The following ZNF652 variants were observed in gnomAD, a reference collection of about 807,000 sequenced individuals.
The protein encoded by ZNF652 is zinc finger protein 652.
ZNF652 carries 16 observed loss-of-function variants against 45.2 expected under a neutral mutation model. The observed-to-expected ratio is 0.35, with a 90% CI of 0.24 to 0.54. The LOEUF (loss-of-function observed/expected upper bound fraction) is 0.54, where lower values mean the gene tolerates loss of function less well. Ranked by LOEUF, ZNF652 falls within the 20% of genes least tolerant of loss-of-function variation. ZNF652 has a pLI of 0.91. For synonymous variants in ZNF652, 250 were observed against 260.6 expected (o/e 0.96, Z 0.39); for missense variants, 614 against 765.6 (o/e 0.80, Z 2.34).
intron 3 of ZNF652, 60 bp downstream of exon 3, chr17:49,312,638 T>TA (rs1480803424): frequency 1.9e-6 from 3 of 1,569,482 alleles, no homozygotes; most frequent in Non-Finnish European, 2.6e-6. Context: ...ATCCAGGGCA[T>TA]AAAGCACACA....
intron 1 of ZNF652, among the ~76,000 whole-genome samples, chr17:49,341,663 A>C (rs1467426205): frequency 2.0e-5 from 3 of 152,042 alleles, no homozygotes; most frequent in Non-Finnish European, 4.4e-5. Flanking sequence ...CTGTCTCAAA[A>C]AGAAAAAAAG....
At chr17:49,307,188 A>G (rs2069641149) in intron 5 of ZNF652, among the ~76,000 whole-genome samples, 1 of 151,218 alleles carries the variant, frequency 6.6e-6, no homozygotes, top group Admixed American at 6.6e-5. Context: ...TAATCCCAGC[A>G]GTTTGGGAGG....
At chr17:49,311,873 A>G in intron 4 of ZNF652, 54 bp downstream of exon 4, 2 of 1,450,170 alleles carry the variant, frequency 1.4e-6, no homozygotes, top group South Asian at 1.2e-5. Context: ...CTGGTCCGCC[A>G]TCTATGCAAA....
chr17:49,357,085 T>C (rs1366360527), intron 1 of ZNF652, among the ~76,000 whole-genome samples: 2 of 150,318 alleles, frequency 1.3e-5, no homozygotes, highest in Non-Finnish European at 2.9e-5. Flanking sequence ...GATCACAAGA[T>C]CAGGAGTTCA....
rs1342963892 is a variant in ZNF652 at position 49,362,059 on chromosome 17, C to G, written c.-409G>C. The G allele has an allele frequency of 2.7e-5, 4 of 149,694 alleles. No homozygotes were observed. Among genetic ancestry groups the G allele is most frequent in the Non-Finnish European group, 4.5e-5 (3 of 67,006 alleles). The allele number at this position is 149,694 out of a possible 1,614,324, so 9.3% of individuals were successfully genotyped here. On this transcript the variant is annotated 5_prime_UTR_variant, in exon 1 of 6. Coordinates refer to ENST00000430262, the MANE Select transcript of ZNF652 (RefSeq NM_001145365.3). ...CCAACGTCTGTCCTCAGGGCCGCTC[C>G]TCAGACCCGGCCTCGGCCGCTGCCG...
rs913426704 is a variant in ZNF652 at position 49,297,912 on chromosome 17, A to G, written c.*501T>C. ...AAGAAGAAAATTTCTGTCTTTCTCTATAATGCTTGATATACTGTGAAACAT... is the reference window on the plus strand; with the variant it reads ...AAGAAGAAAATTTCTGTCTTTCTCTGTAATGCTTGATATACTGTGAAACAT... On this transcript the variant is annotated 3_prime_UTR_variant, in exon 6 of 6. Transcript: ENST00000430262. 3 of 155,958 alleles carry G rather than the reference A, an allele frequency of 1.9e-5. No homozygotes were observed. Among genetic ancestry groups the G allele is most frequent in the African/African-American group, 7.2e-5 (3 of 41,470 alleles). 9.7% of individuals were successfully genotyped at this position (155,958 alleles called of 1,614,324 possible). A position where few individuals can be genotyped will look rare whatever the true frequency, so the allele number is the denominator to read the frequency against.
At chr17:49,356,993 G>GT (rs200120399) in intron 1 of ZNF652, among the ~76,000 whole-genome samples, 6 of 140,856 alleles carry the variant, frequency 4.3e-5, no homozygotes, top group African/African-American at 1.1e-4. Flanking sequence ...CTTGAACTAT[G>GT]TTTTAAAAAA....
chr17:49,332,308 T>A lies in ZNF652; in HGVS notation c.-258-14325A>T, dbSNP rs2070033616. On this transcript the variant is annotated intron_variant, in intron 1 of 5. Coordinates refer to ENST00000430262, the MANE Select transcript of ZNF652 (RefSeq NM_001145365.3). Reference sequence around the variant, plus strand: ...TGAAAACATCTTAACTGAACTAGTCTTAAACCAAGAGGTATGAATAAATAG... The same window carrying A: ...TGAAAACATCTTAACTGAACTAGTCATAAACCAAGAGGTATGAATAAATAG... Among the ~76,000 whole-genome samples the A allele has an allele frequency of 2.0e-5, 3 of 152,176 alleles. 1 individual carries two copies. The South Asian group carries it at 6.2e-4, about 31-fold the overall frequency.
At chr17:49,312,290 C>T (rs1408164376) in intron 3 of ZNF652, among the ~76,000 whole-genome samples, 3 of 151,710 alleles carry the variant, frequency 2.0e-5, no homozygotes, top group Non-Finnish European at 1.5e-5. Flanking sequence ...CTCAGCCTCC[C>T]GAGTAGTTGG....
intron 5 of ZNF652, 102 bp downstream of exon 5, chr17:49,311,210 G>T: frequency 3.9e-6 from 5 of 1,270,300 alleles, no homozygotes; most frequent in Admixed American, 2.3e-5. Context: ...TTTTTGCTTT[G>T]AATGCAAATT....
intron 1 of ZNF652, among the ~76,000 whole-genome samples, chr17:49,324,375 A>C (rs2069932886): frequency 6.6e-6 from 1 of 151,912 alleles, no homozygotes; most frequent in Admixed American, 6.6e-5. Flanking sequence ...CTCAGCAATA[A>C]GGCTGTTTCG....
chr17:49,308,584 C>T (rs979851386), intron 5 of ZNF652, among the ~76,000 whole-genome samples: 3 of 152,028 alleles, frequency 2.0e-5, no homozygotes, highest in Non-Finnish European at 4.4e-5. Context: ...GGTGGATCAC[C>T]TGAGGTCAGG....
At chr17:49,357,209 G>A (rs1397965335) in intron 1 of ZNF652, among the ~76,000 whole-genome samples, 1 of 151,758 alleles carries the variant, frequency 6.6e-6, no homozygotes, top group Non-Finnish European at 1.5e-5. Flanking sequence ...TGAGGCAGGA[G>A]AATTGCTTGA....
At chr17:49,326,588 T>C (rs1225167998) in intron 1 of ZNF652, among the ~76,000 whole-genome samples, 2 of 152,096 alleles carry the variant, frequency 1.3e-5, no homozygotes, top group African/African-American at 4.8e-5. Context: ...AAAACCGACA[T>C]GTGAACTACT....
chr17:49,302,489 C>A (rs1022523632), intron 5 of ZNF652, among the ~76,000 whole-genome samples: 3 of 151,406 alleles, frequency 2.0e-5, no homozygotes, highest in Non-Finnish European at 4.4e-5. Flanking sequence ...AGGGTTTCAC[C>A]ATGTTAGCCA....
intron 4 of ZNF652, 100 bp downstream of exon 4, chr17:49,311,827 G>T: frequency 1.0e-6 from 1 of 983,774 alleles, no homozygotes; most frequent in Non-Finnish European, 1.5e-6. Context: ...GTGGAAGGCA[G>T]CCTTGTGCCT....
chr17:49,356,966 T>A (rs2070343909), intron 1 of ZNF652, among the ~76,000 whole-genome samples: 1 of 151,904 alleles, frequency 6.6e-6, no homozygotes, highest in African/African-American at 2.4e-5. Flanking sequence ...GCATTTACTT[T>A]TCAAGGTAAT....
chr17:49,352,535 G>A (rs1415270415), intron 1 of ZNF652, among the ~76,000 whole-genome samples: 1 of 152,106 alleles, frequency 6.6e-6, no homozygotes, highest in African/African-American at 2.4e-5. Flanking sequence ...GGAACAAGTA[G>A]AATTTTTATG....
intron 1 of ZNF652, among the ~76,000 whole-genome samples, chr17:49,325,019 G>A (rs895042821): frequency 2.0e-5 from 3 of 151,806 alleles, no homozygotes; most frequent in African/African-American, 7.3e-5. Flanking sequence ...GGGATTACAG[G>A]TGTGAGCCAC....
Sources: allele counts gnomAD v4.1 joint callset (sites outside exome capture counted in the v4.1 genomes callset), GRCh38; gene constraint gnomAD v4.1.1; transcripts MANE v1.5; gene names NCBI Gene and HGNC (gene_info 2026-07-23, HGNC 2026-07-21).